PPP2R3A: variants seen among roughly 807,000 people sequenced by gnomAD.
PPP2R3A encodes the protein serine/threonine-protein phosphatase 2A regulatory subunit B'' subunit alpha.
Under a neutral mutation model 106.9 loss-of-function variants are expected in PPP2R3A, and 80 were observed. The ratio of observed to expected loss-of-function variants is 0.75; its 90% confidence interval spans 0.62 to 0.90. The LOEUF (loss-of-function observed/expected upper bound fraction) is 0.90. Ranked by LOEUF, PPP2R3A falls within the 40% of genes least tolerant of loss-of-function variation. The pLI, the probability that PPP2R3A is intolerant of heterozygous loss-of-function variation, is 0.00. For missense variants in PPP2R3A, 1,386 were observed against 1,350.4 expected (o/e 1.03, Z -0.41); for synonymous variants, 483 against 468.3 (o/e 1.03, Z -0.41).
At chr3:136,103,197 T>G in intron 11 of PPP2R3A, 61 bp from the exon 12 acceptor site, 1 of 1,133,580 alleles carries the variant, frequency 8.8e-7, no homozygotes, top group Non-Finnish European at 1.3e-6. Flanking sequence ...CAGGGAAAGT[T>G]TTTTCCTCTT....
intron 1 of PPP2R3A, among the ~76,000 whole-genome samples, chr3:135,992,726 A>G (rs747267322): frequency 6.6e-6 from 1 of 152,200 alleles, no homozygotes; most frequent in Non-Finnish European, 1.5e-5. Flanking sequence ...GTAGTTAAAT[A>G]TACTTGGCAG....
intron 13 of PPP2R3A, among the ~76,000 whole-genome samples, chr3:136,113,135 T>C (rs548279087): frequency 3.9e-4 from 59 of 151,050 alleles, no homozygotes; most frequent in African/African-American, 1.4e-3. Flanking sequence ...AAAAATCATA[T>C]GAAACAAAAA....
At chr3:136,102,287 A>G in intron 11 of PPP2R3A, 105 bp downstream of exon 11, 1 of 1,277,300 alleles carries the variant, frequency 7.8e-7, no homozygotes, top group Admixed American at 2.3e-5. Context: ...GTCTTGATAG[A>G]AGACTTCCTA....
At chr3:136,079,896 T>C (rs6787409) in intron 7 of PPP2R3A, among the ~76,000 whole-genome samples, 41,246 of 151,790 alleles carry the variant, frequency 0.27, 5,859 homozygotes, top group Non-Finnish European at 0.32. Flanking sequence ...TCGCTTTCCT[T>C]CCCTGCCCCT....
intron 13 of PPP2R3A, among the ~76,000 whole-genome samples, chr3:136,116,794 G>C (rs1489501952): frequency 6.6e-6 from 1 of 152,128 alleles, no homozygotes; most frequent in African/African-American, 2.4e-5. Flanking sequence ...ATAATAGTGG[G>C]ACACTTTAAC....
At chr3:136,138,685 G>A (rs1576340536) in intron 13 of PPP2R3A, among the ~76,000 whole-genome samples, 1 of 120,504 alleles carries the variant, frequency 8.3e-6, no homozygotes, top group Admixed American at 9.6e-5. Context: ...CCAAACTAGA[G>A]AAATATTGAA....
intron 6 of PPP2R3A, among the ~76,000 whole-genome samples, chr3:136,076,586 C>A (rs904941719): frequency 6.6e-6 from 1 of 152,086 alleles, no homozygotes; most frequent in African/African-American, 2.4e-5. Flanking sequence ...AAAGATAATA[C>A]AAAAATCTTT....
At position 136,138,496 on chromosome 3, in the gene PPP2R3A, C is replaced by G. The variant is rs183553494; in HGVS notation, c.3330-6547C>G. Among the ~76,000 whole-genome samples, 11 of 152,174 alleles carry G rather than the reference C, an allele frequency of 7.2e-5. 1 individual carries two copies. The highest frequency in any genetic ancestry group is 7.2e-4 in the Admixed American group (11 of 15,272). ...AGTGGTACATATTAGGAAACTTCAA[C>G]AAGAGTTGAAACTAAAGATTTTCTG... On this transcript the variant is annotated intron_variant, in intron 13 of 13. Transcript: ENST00000264977.
In PPP2R3A at chr3:135,965,733, C is replaced by G. The variant is rs1300225885; in HGVS notation, c.-557C>G. ...TGCGGGTGGCTGGGCGGGGCGCGCTCGGGCCTCCGCTCTTCACGCGCCGCA... is the reference window on the plus strand; with the variant it reads ...TGCGGGTGGCTGGGCGGGGCGCGCTGGGGCCTCCGCTCTTCACGCGCCGCA... On this transcript the variant is annotated 5_prime_UTR_variant, in exon 1 of 14. Transcript: ENST00000264977. 2 of 152,270 alleles carry G rather than the reference C, an allele frequency of 1.3e-5. No individual in the cohort carries two copies. The highest frequency in any genetic ancestry group is 4.8e-5 in the African/African-American group (2 of 41,486). The allele number at this position is 152,270 out of a possible 1,614,324, so 9.4% of individuals were successfully genotyped here.
chr3:136,104,157 G>A (rs1427193346), intron 12 of PPP2R3A, among the ~76,000 whole-genome samples: 1 of 152,084 alleles, frequency 6.6e-6, no homozygotes, highest in East Asian at 1.9e-4. Context: ...TTCTAAATAA[G>A]ATAAATAAGA....
rs760821343 is a variant in PPP2R3A at position 136,003,325 on chromosome 3, A to G, written c.1827A>G (p.Lys609=). ...EDFAQELVEC[K]SSRGSLSQEK... ...TTGCTCAAGAACTAGTTGAATGCAAATCAAGCAGAGGGAGCCTATCACAAG... is the reference window on the plus strand; with the variant it reads ...TTGCTCAAGAACTAGTTGAATGCAAGTCAAGCAGAGGGAGCCTATCACAAG... The change falls in exon 2 of 14, where the codon AAA becomes AAG. Residue 609 remains lysine (K), a synonymous_variant. Transcript: ENST00000264977. 8 of 1,613,862 alleles carry G rather than the reference A, an allele frequency of 5.0e-6. No individual in the cohort carries two copies. The East Asian group carries it at 1.6e-4, about 31-fold the overall frequency.
chr3:136,003,036 T>C lies in PPP2R3A; in HGVS notation c.1538T>C (p.Leu513Ser), dbSNP rs377264277. The change falls in exon 2 of 14, where the codon TTA becomes TCA. Residue 513 changes from leucine to serine, a missense_variant. Physicochemically the swap from Leu to Ser is moderately radical, Grantham distance 145 (BLOSUM62 -2). Coordinates refer to ENST00000264977, the MANE Select transcript of PPP2R3A (RefSeq NM_002718.5). The part of the protein sequence containing the change: ...SSSQEEIDKL[L>S]MDLESFSQKM... ...AGCCAGGAAGAGATAGATAAATTGT[T>C]AATGGATTTGGAATCTTTTTCACAG... 2.0e-5 allele frequency: 33 copies of C among 1,613,284 alleles called. No individual in the cohort carries two copies. Among genetic ancestry groups the C allele is most frequent in the Non-Finnish European group, 5.1e-6 (6 of 1,179,760 alleles).
intron 5 of PPP2R3A, among the ~76,000 whole-genome samples, chr3:136,050,615 A>G (rs1935653659): frequency 6.6e-6 from 1 of 152,110 alleles, no homozygotes; most frequent in South Asian, 2.1e-4. Context: ...AGATGCACAC[A>G]CAGCTGTTTT....
intron 10 of PPP2R3A, among the ~76,000 whole-genome samples, chr3:136,092,527 C>G (rs1937117119): frequency 1.3e-5 from 2 of 151,888 alleles, no homozygotes; most frequent in Admixed American, 1.3e-4. Flanking sequence ...ATATTAAATT[C>G]CTATGGAAAT....
chr3:135,969,886 G>A (rs183593207), intron 1 of PPP2R3A, among the ~76,000 whole-genome samples: 113 of 152,182 alleles, frequency 7.4e-4, no homozygotes, highest in Non-Finnish European at 7.8e-4. Flanking sequence ...ACAGATGATC[G>A]CAGCTCTTCT....
chr3:136,084,233 G>A (rs1250517208), intron 8 of PPP2R3A, among the ~76,000 whole-genome samples: 2 of 152,226 alleles, frequency 1.3e-5, no homozygotes, highest in African/African-American at 4.8e-5. Flanking sequence ...TCTGAACATG[G>A]TGACCTGCAT....
At chr3:135,984,095 C>G (rs544440299) in intron 1 of PPP2R3A, among the ~76,000 whole-genome samples, 1 of 152,100 alleles carries the variant, frequency 6.6e-6, no homozygotes, top group African/African-American at 2.4e-5. Flanking sequence ...TATAGATTTT[C>G]CCTCCCTCCT....
intron 13 of PPP2R3A, among the ~76,000 whole-genome samples, chr3:136,119,605 A>G (rs142952692): frequency 0.016 from 2,396 of 152,358 alleles, 66 homozygotes; most frequent in African/African-American, 0.054. Flanking sequence ...AACATATGAA[A>G]AAAAGCTCAT....
chr3:135,994,903 T>C (rs548906834), intron 1 of PPP2R3A, among the ~76,000 whole-genome samples: 2 of 152,340 alleles, frequency 1.3e-5, no homozygotes, highest in Admixed American at 6.5e-5. Flanking sequence ...TCCTAACTTA[T>C]CTGCTGCTTC....
Sources: allele counts gnomAD v4.1 joint callset (sites outside exome capture counted in the v4.1 genomes callset), GRCh38; gene constraint gnomAD v4.1.1; transcripts MANE v1.5; gene names NCBI Gene and HGNC (gene_info 2026-07-23, HGNC 2026-07-21).